CTNNA2: variants seen among roughly 807,000 people sequenced by gnomAD.
CTNNA2 encodes catenin alpha-2.
A neutral mutation model predicts 101.0 loss-of-function variants in CTNNA2; 42 were observed. The observed-to-expected ratio is 0.42, with a 90% CI of 0.32 to 0.54. CTNNA2 has a LOEUF of 0.54. Ranked by LOEUF, CTNNA2 falls within the 20% of genes least tolerant of loss-of-function variation. The probability of loss-of-function intolerance (pLI) is 0.14; values close to 1 mark genes in which losing one functional copy is unlikely to be tolerated. For missense variants in CTNNA2, 871 were observed against 1,223.1 expected, an observed-to-expected ratio of 0.71 and a Z score of 4.29; for synonymous variants, 450 against 456.4, an observed-to-expected ratio of 0.99 and a Z score of 0.18.
chr2:79,410,185 C>T (rs1187071342), intron 4 of CTNNA2, among the ~76,000 whole-genome samples: 2 of 146,514 alleles, frequency 1.4e-5, no homozygotes, highest in Non-Finnish European at 3.0e-5. Context: ...TGCTTATCAG[C>T]TTAAGGAGAT....
At chr2:80,485,428 T>C (rs761346394) in intron 9 of CTNNA2, among the ~76,000 whole-genome samples, 2 of 152,176 alleles carry the variant, frequency 1.3e-5, no homozygotes, top group Admixed American at 1.3e-4. Context: ...GGATTTTATT[T>C]AGTGGTCAAG....
In CTNNA2 at chr2:80,304,879, AAC is replaced by A. The variant is rs1248299230; in HGVS notation, c.1057-88329_1057-88328del. 22 of 180,718 alleles carry A rather than the reference AAC, an allele frequency of 1.2e-4. No individual in the cohort carries two copies. The Admixed American group carries it at 1.5e-3, about 12-fold the overall frequency. The allele number at this position is 180,718 out of a possible 1,614,324, so 11.2% of individuals were successfully genotyped here. On this transcript the variant is annotated intron_variant, in intron 7 of 18. Coordinates refer to ENST00000402739, the MANE Select transcript of CTNNA2 (RefSeq NM_001282597.3). Reference sequence around the variant, plus strand: ...ATATATGTTTTTTGATGAAACGGAAAACACTTTCAGCTTTTTTGTCCATATTT... The same window carrying A: ...ATATATGTTTTTTGATGAAACGGAAAACTTTCAGCTTTTTTGTCCATATTT...
chr2:79,987,268 G>A (rs945102629), intron 7 of CTNNA2, among the ~76,000 whole-genome samples: 9 of 152,192 alleles, frequency 5.9e-5, no homozygotes, highest in African/African-American at 2.2e-4. Flanking sequence ...GTCTGTGTGT[G>A]AGGATCACAC....
intron 7 of CTNNA2, among the ~76,000 whole-genome samples, chr2:80,071,260 A>G (rs961730212): frequency 4.6e-5 from 7 of 152,226 alleles, no homozygotes; most frequent in African/African-American, 1.7e-4. Flanking sequence ...AACTCATTAA[A>G]TGGAAGAATT....
At chr2:80,498,654 G>A (rs1484365622) in intron 9 of CTNNA2, among the ~76,000 whole-genome samples, 5 of 152,158 alleles carry the variant, frequency 3.3e-5, no homozygotes, top group African/African-American at 1.2e-4. Context: ...AGATAAACGG[G>A]CATCACAAAG....
intron 2 of CTNNA2, among the ~76,000 whole-genome samples, chr2:79,702,036 A>G (rs1008734503): frequency 1.6e-4 from 24 of 149,968 alleles, no homozygotes; most frequent in African/African-American, 5.9e-4. Flanking sequence ...TGATGTGGAA[A>G]GAGTATTGCA....
intron 1 of CTNNA2, among the ~76,000 whole-genome samples, chr2:79,556,421 T>C (rs2685162): frequency 0.6 from 90,943 of 151,860 alleles, 28,381 homozygotes; most frequent in Middle Eastern, 0.69. Context: ...AGCACTTTTA[T>C]TCTTGGTTCA....
At chr2:80,489,878 G>A (rs1359697486) in intron 9 of CTNNA2, among the ~76,000 whole-genome samples, 2 of 152,106 alleles carry the variant, frequency 1.3e-5, no homozygotes, top group East Asian at 1.9e-4. Flanking sequence ...AAATATAAGA[G>A]GAGACTCATG....
chr2:79,586,123 C>A (rs1676470031), intron 1 of CTNNA2, among the ~76,000 whole-genome samples: 1 of 152,152 alleles, frequency 6.6e-6, no homozygotes, highest in African/African-American at 2.4e-5. Flanking sequence ...CTGTGGCATC[C>A]TGTACTCCTC....
intron 7 of CTNNA2, among the ~76,000 whole-genome samples, chr2:79,939,826 C>T (rs1368988439): frequency 6.6e-6 from 1 of 151,958 alleles, no homozygotes; most frequent in African/African-American, 2.4e-5. Context: ...GGCATGGTGA[C>T]TCATGCCTGT....
intron 3 of CTNNA2, among the ~76,000 whole-genome samples, chr2:79,751,074 A>C (rs1266891488): frequency 3.9e-5 from 6 of 152,170 alleles, no homozygotes; most frequent in Non-Finnish European, 8.8e-5. Flanking sequence ...TTGTGGAAAA[A>C]AAGATACATA....
At chr2:79,446,605 T>C (rs905795479) in intron 4 of CTNNA2, among the ~76,000 whole-genome samples, 1 of 152,070 alleles carries the variant, frequency 6.6e-6, no homozygotes, top group African/African-American at 2.4e-5. Flanking sequence ...TTCCTTTTGA[T>C]GGTGGAGAAA....
rs1387159827 is a variant in CTNNA2, at chr2:80,080,881, A to G, written c.1056+171084A>G. 3.3e-5 allele frequency among the ~76,000 whole-genome samples: 5 copies of G among 150,310 alleles called. No homozygotes were observed. The Admixed American group carries it at 3.3e-4, about 10-fold the overall frequency. ...TAATTAAAATCTCCAAAATCAGGAC[A>G]CAGCAGTCTAGTTGTGAAATAAACT... On this transcript the variant is annotated intron_variant, in intron 7 of 18. Transcript: ENST00000402739.
intron 12 of CTNNA2, among the ~76,000 whole-genome samples, chr2:80,559,873 C>CATATTTATATATAT (rs1553387507): frequency 2.7e-5 from 3 of 110,492 alleles, no homozygotes; most frequent in Non-Finnish European, 6.0e-5. Flanking sequence ...TCAGCGATAT[C>CATATTTATATATAT]ATATTTATAT....
chr2:80,163,790 ACT>A (rs914668132), intron 7 of CTNNA2, among the ~76,000 whole-genome samples: 42 of 151,862 alleles, frequency 2.8e-4, no homozygotes, highest in African/African-American at 9.7e-4. Context: ...ATATTTTATA[ACT>A]CTGGTTTTTA....
intron 1 of CTNNA2, among the ~76,000 whole-genome samples, chr2:79,531,316 A>G (rs185773764): frequency 1.9e-4 from 29 of 151,198 alleles, no homozygotes; most frequent in Non-Finnish European, 3.8e-4. Context: ...AAATCAATTT[A>G]TAAGCATTAA....
chr2:80,264,070 C>T (rs1018626240), intron 7 of CTNNA2, among the ~76,000 whole-genome samples: 1 of 152,160 alleles, frequency 6.6e-6, no homozygotes, highest in African/African-American at 2.4e-5. Context: ...TATCAATTTG[C>T]ACTTAACCAT....
chr2:79,332,464 G>T (rs1215221402), intron 3 of CTNNA2, among the ~76,000 whole-genome samples: 1 of 152,068 alleles, frequency 6.6e-6, no homozygotes. Context: ...AGGTGGAGAG[G>T]GTCTCCTCCT....
chr2:80,574,215 C>T lies in CTNNA2; in HGVS notation c.1794C>T (p.Ala598=). Residue 598 remains alanine (A), a synonymous_variant, in exon 13 of 19, where the codon GCC becomes GCT. Coordinates refer to ENST00000402739, the MANE Select transcript of CTNNA2 (RefSeq NM_001282597.3). ...AGGTTGCCATTGAAGCCCTGAGTGC[C>T]AACGTTCCTCAACCGTTTGAGGAGA... ...QVEVAIEALS[A]NVPQPFEENE... 6.2e-7 allele frequency: 1 copy of T among 1,613,696 alleles called. No individual in the cohort carries two copies. The highest frequency in any genetic ancestry group is 2.2e-5 in the East Asian group (1 of 44,858).
Sources: gnomAD v4.1 joint callset for allele counts (sites outside exome capture counted in the v4.1 genomes callset) on GRCh38, gnomAD v4.1.1 for gene constraint, MANE v1.5 for transcripts, NCBI Gene and HGNC (gene_info 2026-07-23, HGNC 2026-07-21) for gene names.